SRPK2: variants seen among roughly 807,000 people sequenced by gnomAD.
SRPK2 encodes the protein SFRS protein kinase 2.
A neutral mutation model predicts 90.8 loss-of-function variants in SRPK2; 21 were observed. That is an observed-to-expected ratio of 0.23 (90% CI 0.16 to 0.33). SRPK2 has a LOEUF of 0.33. Among genes scored for constraint, SRPK2 ranks in the 10% least tolerant of loss-of-function variants. SRPK2 has a pLI of 1.00. For synonymous variants in SRPK2, 288 were observed against 311.1 expected (o/e 0.93, Z 0.78); for missense variants, 620 against 869.0 (o/e 0.71, Z 3.60).
At chr7:105,362,414 T>C (rs1036034638) in intron 2 of SRPK2, among the ~76,000 whole-genome samples, 3 of 151,174 alleles carry the variant, frequency 2.0e-5, no homozygotes, top group African/African-American at 7.3e-5. Context: ...GAGACCATCC[T>C]GGCTAACTTG....
At chr7:105,158,255 CTT>C (rs536737479) in intron 7 of SRPK2, among the ~76,000 whole-genome samples, 5 of 144,688 alleles carry the variant, frequency 3.5e-5, no homozygotes, top group Admixed American at 6.9e-5. Flanking sequence ...GTGAATTCAC[CTT>C]TTTTTTTTTT....
chr7:105,211,522 T>C (rs1796856977), intron 2 of SRPK2, among the ~76,000 whole-genome samples: 3 of 151,690 alleles, frequency 2.0e-5, no homozygotes, highest in African/African-American at 7.3e-5. Flanking sequence ...GCAAAGGGGG[T>C]GCAGGCGCAA....
At chr7:105,126,201 C>T (rs1269312943) in intron 15 of SRPK2, 47 bp downstream of exon 15, 1 of 1,436,342 alleles carries the variant, frequency 7.0e-7, no homozygotes, top group South Asian at 1.1e-5. Flanking sequence ...AGCTGCTCTT[C>T]AGTTTCTGTC....
chr7:105,223,022 A>G (rs1798291618), intron 2 of SRPK2, among the ~76,000 whole-genome samples: 1 of 152,126 alleles, frequency 6.6e-6, no homozygotes, highest in Non-Finnish European at 1.5e-5. Flanking sequence ...TCCTACTGAG[A>G]CAATTACTCT....
At chr7:105,134,082 T>C (rs1275140426) in intron 11 of SRPK2, among the ~76,000 whole-genome samples, 1 of 152,196 alleles carries the variant, frequency 6.6e-6, no homozygotes, top group African/African-American at 2.4e-5. Context: ...ACCAGGACTT[T>C]TATTTACTGT....
At chr7:105,270,518 C>G (rs1352792998) in intron 2 of SRPK2, among the ~76,000 whole-genome samples, 1 of 151,730 alleles carries the variant, frequency 6.6e-6, no homozygotes, top group Non-Finnish European at 1.5e-5. Flanking sequence ...AGCGATTCTC[C>G]TGTCTCAGCC....
At chr7:105,364,184 T>G (rs1038446120) in intron 2 of SRPK2, among the ~76,000 whole-genome samples, 2 of 152,006 alleles carry the variant, frequency 1.3e-5, no homozygotes, top group Non-Finnish European at 2.9e-5. Flanking sequence ...AAAGTATAAT[T>G]AAAAAATAAT....
intron 2 of SRPK2, among the ~76,000 whole-genome samples, chr7:105,219,120 T>C (rs141356317): frequency 2.0e-5 from 3 of 152,152 alleles, no homozygotes; most frequent in Non-Finnish European, 4.4e-5. Flanking sequence ...TGGAGACACA[T>C]AGCTTCGTTG....
intron 3 of SRPK2, among the ~76,000 whole-genome samples, chr7:105,176,136 T>C (rs1227222729): frequency 6.6e-6 from 1 of 152,168 alleles, no homozygotes; most frequent in Non-Finnish European, 1.5e-5. Context: ...CATGATCAAA[T>C]GGGGTTTATT....
intron 1 of SRPK2, among the ~76,000 whole-genome samples, chr7:105,395,898 GT>G: frequency 6.6e-6 from 1 of 152,160 alleles, no homozygotes; most frequent in Non-Finnish European, 1.5e-5. Context: ...CTATAGTGAT[GT>G]TTTTTAAAAT....
At position 105,388,538 on chromosome 7, in the gene SRPK2, G is replaced by T. The variant is rs1171978743; in HGVS notation, c.71+110C>A. On this transcript the variant is annotated intron_variant, in intron 2 of 15. Coordinates refer to ENST00000393651, the MANE Select transcript of SRPK2 (RefSeq NM_182692.3). ...GGAGCCGAGCGCCAGCGTCCCGGGG[G>T]ACCAGCCCGCCCGCCGGCCCGGGGA... 5 of 961,606 alleles carry T rather than the reference G, an allele frequency of 5.2e-6. No homozygotes were observed. In the East Asian group the frequency reaches 1.1e-4, roughly 21 times the overall value. The allele number at this position is 961,606 out of a possible 1,614,324, so 59.6% of individuals were successfully genotyped here. A position where few individuals can be genotyped will look rare whatever the true frequency, so the allele number is the denominator to read the frequency against.
In SRPK2 at chr7:105,191,851, T is replaced by C. The variant is rs140084472; in HGVS notation, c.229+11777A>G. ...CTCTTTAAAACCTACACTGGTTCTT[T>C]TTATCCTTTTGTAAAAAAAAACAAA... On this transcript the variant is annotated intron_variant, in intron 3 of 15. Coordinates refer to ENST00000393651, the MANE Select transcript of SRPK2 (RefSeq NM_182692.3). Among the ~76,000 whole-genome samples, 1,286 of 148,118 alleles carry C rather than the reference T, an allele frequency of 8.7e-3. 14 individuals carry two copies. Among genetic ancestry groups the C allele is most frequent in the African/African-American group, 0.03 (1,222 of 40,846 alleles).
chr7:105,366,809 C>CTT (rs1189604880), intron 2 of SRPK2, among the ~76,000 whole-genome samples: 2 of 152,142 alleles, frequency 1.3e-5, no homozygotes, highest in African/African-American at 4.8e-5. Flanking sequence ...ATTTCCTTTC[C>CTT]TTTTTTTCAC....
intron 7 of SRPK2, among the ~76,000 whole-genome samples, chr7:105,149,182 A>ATG (rs1402375486): frequency 2.0e-5 from 3 of 152,178 alleles, no homozygotes; most frequent in Non-Finnish European, 4.4e-5. Flanking sequence ...TGGGAACTGA[A>ATG]TGTCTCGGTA....
chr7:105,332,892 A>C (rs537907557), intron 2 of SRPK2: 21 of 152,280 alleles, frequency 1.4e-4, no homozygotes, highest in African/African-American at 5.1e-4. Context: ...GTGTTCTAGT[A>C]ATTTTTTACA....
chr7:105,174,171 T>C (rs1343744933), intron 3 of SRPK2, among the ~76,000 whole-genome samples: 2 of 152,072 alleles, frequency 1.3e-5, no homozygotes, highest in East Asian at 3.8e-4. Flanking sequence ...TGCTCTGGTT[T>C]CTTCTACTTC....
At chr7:105,131,567 T>C (rs2129574801) in intron 13 of SRPK2, among the ~76,000 whole-genome samples, 1 of 152,312 alleles carries the variant, frequency 6.6e-6, no homozygotes, top group Non-Finnish European at 1.5e-5. Flanking sequence ...TATCTGGCCA[T>C]GTGCTGACTC....
intron 1 of SRPK2, among the ~76,000 whole-genome samples, chr7:105,396,818 GAA>G (rs1320124362): frequency 6.3e-5 from 5 of 78,818 alleles, no homozygotes; most frequent in Admixed American, 2.9e-4. Flanking sequence ...AAGAAAGAGA[GAA>G]AGAGAGAGAG....
chr7:105,222,384 T>C (rs1341572297), intron 2 of SRPK2, among the ~76,000 whole-genome samples: 1 of 152,234 alleles, frequency 6.6e-6, no homozygotes, highest in Non-Finnish European at 1.5e-5. Flanking sequence ...TATTAACAAG[T>C]AACATTCCTT....
Sources: allele counts gnomAD v4.1 joint callset (sites outside exome capture counted in the v4.1 genomes callset), GRCh38; gene constraint gnomAD v4.1.1; transcripts MANE v1.5; gene names NCBI Gene and HGNC (gene_info 2026-07-23, HGNC 2026-07-21).